Variants in SAMD12 observed in about 807,000 individuals in gnomAD.
The protein encoded by SAMD12 is sterile alpha motif domain containing 12.
In SAMD12, 9 loss-of-function variants were observed where a neutral mutation model predicts 15.0. The observed-to-expected ratio is 0.60, with a 90% CI of 0.36 to 1.05. The LOEUF (loss-of-function observed/expected upper bound fraction) is 1.05. Ranked by LOEUF, SAMD12 falls within the 50% of genes least tolerant of loss-of-function variation. The pLI is 0.01. For missense variants in SAMD12, 230 were observed against 234.2 expected (o/e 0.98, Z 0.12); for synonymous variants, 86 against 90.1 (o/e 0.96, Z 0.25).
At chr8:118,496,027 T>C (rs1824599143) in intron 2 of SAMD12, among the ~76,000 whole-genome samples, 1 of 151,916 alleles carries the variant, frequency 6.6e-6, no homozygotes, top group African/African-American at 2.4e-5. Flanking sequence ...ATCTCTATAA[T>C]AAGAATGACA....
At chr8:118,302,043 T>C (rs1443531689) in intron 4 of SAMD12, among the ~76,000 whole-genome samples, 1 of 145,180 alleles carries the variant, frequency 6.9e-6, no homozygotes, top group Non-Finnish European at 1.5e-5. Context: ...CAGGTAAAAC[T>C]CTTCACAACA....
At chr8:118,144,988 GC>G in the SAMD12 span, among the ~76,000 whole-genome samples, 1 of 152,194 alleles carries the variant, frequency 6.6e-6, no homozygotes, top group South Asian at 2.1e-4. Context: ...GGGGAAGTTA[GC>G]TAGCTAGATA....
the SAMD12 span, among the ~76,000 whole-genome samples, chr8:118,146,936 A>C: frequency 6.6e-6 from 1 of 152,212 alleles, no homozygotes; most frequent in South Asian, 2.1e-4. Flanking sequence ...ATGATGGCTA[A>C]ACTCTAATTG....
intron 2 of SAMD12, among the ~76,000 whole-genome samples, chr8:118,538,719 CT>C (rs1437637625): frequency 6.6e-6 from 1 of 152,204 alleles, no homozygotes; most frequent in Non-Finnish European, 1.5e-5. Flanking sequence ...AAACCAGGTA[CT>C]GTCATCAACT....
intron 2 of SAMD12, among the ~76,000 whole-genome samples, chr8:118,503,593 C>T (rs1016221954): frequency 4.6e-5 from 7 of 152,156 alleles, no homozygotes; most frequent in Non-Finnish European, 8.8e-5. Flanking sequence ...GATTACGCTG[C>T]CTTTCATCCT....
intron 2 of SAMD12, among the ~76,000 whole-genome samples, chr8:118,466,675 G>A (rs1006233771): frequency 3.3e-5 from 5 of 152,134 alleles, no homozygotes; most frequent in Middle Eastern, 3.4e-3. Context: ...GTCTGTAACC[G>A]ACCATCCTTT....
At chr8:118,158,587 A>C in the SAMD12 span, among the ~76,000 whole-genome samples, 1 of 152,248 alleles carries the variant, frequency 6.6e-6, no homozygotes. Context: ...CCTGGACAGA[A>C]AGTGGCAGGT....
intron 4 of SAMD12, among the ~76,000 whole-genome samples, chr8:118,328,214 G>C (rs946587128): frequency 6.6e-6 from 1 of 152,012 alleles, no homozygotes; most frequent in Non-Finnish European, 1.5e-5. Context: ...TTTATGAGAG[G>C]TTACAAATTT....
intron 4 of SAMD12, among the ~76,000 whole-genome samples, chr8:118,230,681 C>T (rs1036386596): frequency 6.6e-6 from 1 of 151,078 alleles, no homozygotes; most frequent in African/African-American, 2.4e-5. Context: ...AGGAATCAGC[C>T]CAAGAAAGAA....
At chr8:118,374,393 A>G (rs1319233527), downstream of SAMD12, among the ~76,000 whole-genome samples, 1 of 152,102 alleles carries the variant, frequency 6.6e-6, no homozygotes, top group Non-Finnish European at 1.5e-5. Flanking sequence ...GTTGATAGAC[A>G]TTTGGGTCAC....
chr8:118,468,605 G>A (rs1823665428), intron 2 of SAMD12, among the ~76,000 whole-genome samples: 1 of 151,902 alleles, frequency 6.6e-6, no homozygotes, highest in Non-Finnish European at 1.5e-5. Context: ...TTCTCTCCTT[G>A]ACTCAAGCAC....
intron 4 of SAMD12, among the ~76,000 whole-genome samples, chr8:118,312,675 T>C (rs748845364): frequency 3.9e-5 from 6 of 152,188 alleles, no homozygotes; most frequent in Non-Finnish European, 8.8e-5. Flanking sequence ...CAGGACAGGC[T>C]CTCTGTATTT....
chr8:118,459,016 C>T lies in SAMD12; in HGVS notation c.193-19055G>A, dbSNP rs947922597. Among the ~76,000 whole-genome samples, 11 of 150,166 alleles carry T rather than the reference C, an allele frequency of 7.3e-5. No individual in the cohort carries two copies. In the South Asian group the frequency reaches 1.3e-3, roughly 17 times the overall value. The stretch of plus-strand genomic sequence containing the variant: ...CAGTTCATGACTTCAGTTTTTACAA[C>T]GTTAATATATTGCTTTTAAAAAAAA... On this transcript the variant is annotated intron_variant, in intron 2 of 3. Coordinates refer to ENST00000314727, the MANE Select transcript of SAMD12 (RefSeq NM_207506.3).
chr8:118,210,763 G>T (rs1012273027), intron 4 of SAMD12, among the ~76,000 whole-genome samples: 2 of 152,004 alleles, frequency 1.3e-5, no homozygotes, highest in African/African-American at 4.8e-5. Context: ...TCATCCTTCT[G>T]CCCAAATTCT....
chr8:118,232,249 C>T (rs1479656981), intron 4 of SAMD12, among the ~76,000 whole-genome samples: 1 of 152,110 alleles, frequency 6.6e-6, no homozygotes, highest in East Asian at 1.9e-4. Context: ...AGCTTAAGCT[C>T]CCCATAGAAA....
At chr8:118,241,760 G>T (rs1023131117) in intron 4 of SAMD12, among the ~76,000 whole-genome samples, 1 of 152,076 alleles carries the variant, frequency 6.6e-6, no homozygotes, top group Non-Finnish European at 1.5e-5. Flanking sequence ...AAATGGTATG[G>T]TATCAACAAA....
intron 1 of SAMD12, among the ~76,000 whole-genome samples, chr8:118,605,640 GA>G (rs1202906296): frequency 6.6e-6 from 1 of 151,794 alleles, no homozygotes; most frequent in Non-Finnish European, 1.5e-5. Flanking sequence ...TATTTTCTAA[GA>G]TGTCGCTATG....
At chr8:118,553,809 C>A (rs1826428348) in intron 2 of SAMD12, among the ~76,000 whole-genome samples, 1 of 149,544 alleles carries the variant, frequency 6.7e-6, no homozygotes, top group Non-Finnish European at 1.5e-5. Context: ...TATCCAGAAT[C>A]TACAATGAAC....
chr8:118,607,655 GGAT>G (rs1278062382), intron 1 of SAMD12, among the ~76,000 whole-genome samples: 1 of 152,264 alleles, frequency 6.6e-6, no homozygotes, highest in East Asian at 1.9e-4. Flanking sequence ...TTGCAGATAG[GGAT>G]GATAATGAAA....
Sources: allele counts gnomAD v4.1 joint callset (sites outside exome capture counted in the v4.1 genomes callset), GRCh38; gene constraint gnomAD v4.1.1; transcripts MANE v1.5; gene names NCBI Gene and HGNC (gene_info 2026-07-23, HGNC 2026-07-21).